Variants in GLI2 observed in about 807,000 individuals in gnomAD.
The protein encoded by GLI2 is GLI family zinc finger 2, also known as transcription activator GLI2.
A neutral mutation model predicts 78.9 loss-of-function variants in GLI2; 22 were observed. The ratio of observed to expected loss-of-function variants is 0.28; its 90% CI spans 0.20 to 0.40. GLI2 has a LOEUF of 0.40. Among genes scored for constraint, GLI2 ranks in the 10% least tolerant of loss-of-function variants. The pLI, the probability that GLI2 is intolerant of heterozygous loss-of-function variation, is 1.00. For missense variants in GLI2, 2,097 were observed against 2,213.2 expected (o/e 0.95, Z 1.05); for synonymous variants, 974 against 963.7 (o/e 1.01, Z -0.20).
At chr2:120,819,628 A>G (rs1333493264) in intron 2 of GLI2, among the ~76,000 whole-genome samples, 1 of 152,164 alleles carries the variant, frequency 6.6e-6, no homozygotes, top group East Asian at 1.9e-4. Flanking sequence ...GGCACAGAGA[A>G]TTCTATAACC....
At chr2:120,980,300 A>G (rs1462353876) in intron 10 of GLI2, among the ~76,000 whole-genome samples, 1 of 152,198 alleles carries the variant, frequency 6.6e-6, no homozygotes, top group Non-Finnish European at 1.5e-5. Flanking sequence ...ACTGGTTGTT[A>G]CCTGTCTTTT....
At chr2:120,775,970 C>A (rs1306464013) in intron 1 of GLI2, among the ~76,000 whole-genome samples, 1 of 152,242 alleles carries the variant, frequency 6.6e-6, no homozygotes, top group East Asian at 1.9e-4. Flanking sequence ...AACGCTCTCG[C>A]CCTGGCTGGC....
chr2:120,942,862 TTTCATTCA>T (rs548470143), intron 3 of GLI2, among the ~76,000 whole-genome samples: 28 of 9,898 alleles, frequency 2.8e-3, no homozygotes, highest in Admixed American at 4.9e-3. Flanking sequence ...TCACGCCCTC[TTTCATTCA>T]TTCATTCATT....
intron 2 of GLI2, among the ~76,000 whole-genome samples, chr2:120,850,674 T>C (rs557202590): frequency 6.6e-6 from 1 of 152,052 alleles, no homozygotes; most frequent in Admixed American, 6.5e-5. Context: ...CTCTCTACAG[T>C]CAGAGCAGAG....
chr2:120,976,189 C>A (rs545572716), intron 9 of GLI2, among the ~76,000 whole-genome samples: 9 of 152,332 alleles, frequency 5.9e-5, no homozygotes, highest in African/African-American at 2.2e-4. Context: ...CGTGCACACA[C>A]ATGCACACAC....
intron 8 of GLI2, chr2:120,972,787 C>G: frequency 2.1e-6 from 1 of 466,184 alleles, no homozygotes; most frequent in South Asian, 1.5e-5. Flanking sequence ...AAGAGCGGAG[C>G]AGCCCACAGC....
intron 2 of GLI2, among the ~76,000 whole-genome samples, chr2:120,864,869 A>T (rs1027428250): frequency 6.6e-6 from 1 of 152,066 alleles, no homozygotes; most frequent in Non-Finnish European, 1.5e-5. Flanking sequence ...CAGAATCATC[A>T]CTGCCTATGG....
intron 5 of GLI2, among the ~76,000 whole-genome samples, chr2:120,959,292 G>A (rs1573677853): frequency 6.6e-6 from 1 of 152,166 alleles, no homozygotes; most frequent in African/African-American, 2.4e-5. Context: ...TAACGGGGAA[G>A]CATCACCAGA....
At chr2:120,753,770 C>G (rs1483110050) in intron 1 of GLI2, among the ~76,000 whole-genome samples, 1 of 151,824 alleles carries the variant, frequency 6.6e-6, no homozygotes, top group Non-Finnish European at 1.5e-5. Context: ...AGGTGGCGGG[C>G]GCCTGCAGTC....
intron 2 of GLI2, among the ~76,000 whole-genome samples, chr2:120,837,074 T>C (rs750608243): frequency 1.3e-5 from 2 of 152,180 alleles, no homozygotes; most frequent in Non-Finnish European, 2.9e-5. Flanking sequence ...TTCCTGAAAG[T>C]ACTTTTAAGA....
intron 2 of GLI2, among the ~76,000 whole-genome samples, chr2:120,869,812 C>T (rs762743475): frequency 3.3e-5 from 5 of 151,902 alleles, no homozygotes; most frequent in South Asian, 2.1e-4. Context: ...CAAGCAAACC[C>T]GTTCCCCAAG....
At chr2:120,808,131 T>C (rs1480790226) in intron 2 of GLI2, among the ~76,000 whole-genome samples, 2 of 152,152 alleles carry the variant, frequency 1.3e-5, no homozygotes, top group Non-Finnish European at 2.9e-5. Flanking sequence ...TCAGCAGTGA[T>C]ATTTGAGAGG....
intron 1 of GLI2, among the ~76,000 whole-genome samples, chr2:120,761,403 A>G (rs1279099706): frequency 6.6e-6 from 1 of 152,194 alleles, no homozygotes; most frequent in Non-Finnish European, 1.5e-5. Flanking sequence ...CTCACAGCCC[A>G]GCCCAGTGGG....
intron 2 of GLI2, among the ~76,000 whole-genome samples, chr2:120,895,805 T>A (rs1677913845): frequency 6.6e-6 from 1 of 152,254 alleles, no homozygotes; most frequent in Non-Finnish European, 1.5e-5. Flanking sequence ...CTTCGTCTGG[T>A]CACTGGTCTC....
intron 1 of GLI2, among the ~76,000 whole-genome samples, chr2:120,752,086 A>G (rs1448727241): frequency 1.3e-5 from 2 of 152,156 alleles, no homozygotes; most frequent in Non-Finnish European, 2.9e-5. Context: ...CTCTATTGAT[A>G]TAGACCAGTG....
At chr2:120,886,161 TGTGTGTGTGTG>T (rs1242884361) in intron 2 of GLI2, among the ~76,000 whole-genome samples, 5 of 3,528 alleles carry the variant, frequency 1.4e-3, no homozygotes, top group South Asian at 0.056. Context: ...TTTTCCAAAG[TGTGTGTGTGTG>T]TGTGTGTGTG....
At chr2:120,981,624 C>T (rs1682721938) in intron 10 of GLI2, among the ~76,000 whole-genome samples, 1 of 152,210 alleles carries the variant, frequency 6.6e-6, no homozygotes, top group Non-Finnish European at 1.5e-5. Flanking sequence ...CTCAATCAGA[C>T]TGGTCAGGAA....
rs1159858192 is a variant in GLI2, at chr2:120,934,536, A to G, written c.254+7070A>G. Among the ~76,000 whole-genome samples the G allele has an allele frequency of 2.0e-5, 3 of 152,100 alleles. No homozygotes were observed. In the East Asian group the frequency reaches 5.8e-4, roughly 29 times the overall value. The stretch of plus-strand genomic sequence containing the variant: ...GGCCACCCTTCCTGGAGGAGTGACG[A>G]GGGGGCTCTTGCTGGCACAGATGGC... On this transcript the variant is annotated intron_variant, in intron 3 of 13. Transcript: ENST00000361492.
At chr2:120,955,500 G>A (rs907939257) in intron 5 of GLI2, 70 bp downstream of exon 5, 18 of 1,075,928 alleles carry the variant, frequency 1.7e-5, no homozygotes, top group Admixed American at 5.4e-5. Context: ...AAGGTCACTC[G>A]CTGTTTCTTT....
Sources: gnomAD v4.1 joint callset for allele counts (sites outside exome capture counted in the v4.1 genomes callset) on GRCh38, gnomAD v4.1.1 for gene constraint, MANE v1.5 for transcripts, NCBI Gene and HGNC (gene_info 2026-07-23, HGNC 2026-07-21) for gene names.